Variants in DSC2 observed in about 807,000 individuals in gnomAD.
The protein encoded by DSC2 is desmocollin-2.
DSC2 carries 51 observed loss-of-function variants against 87.6 expected under a neutral mutation model. That is an observed-to-expected ratio of 0.58 (90% confidence interval 0.46 to 0.74). The LOEUF (loss-of-function observed/expected upper bound fraction) is 0.74. DSC2 is among the 30% of genes least tolerant of loss of function. DSC2 has a pLI of 0.00. For synonymous variants in DSC2, 383 were observed against 393.2 expected, an observed-to-expected ratio of 0.97 and a Z score of 0.31; for missense variants, 1,066 against 1,089.5, an observed-to-expected ratio of 0.98 and a Z score of 0.30.
intron 7 of DSC2, among the ~76,000 whole-genome samples, chr18:31,084,805 T>C (rs536879644): frequency 1.3e-5 from 2 of 152,054 alleles, no homozygotes; most frequent in African/African-American, 2.4e-5. Context: ...CAATGATAAA[T>C]TGGAGATTTC....
At chr18:31,082,084 T>C (rs1422695560) in intron 9 of DSC2, among the ~76,000 whole-genome samples, 154 bp downstream of exon 9, 1 of 152,184 alleles carries the variant, frequency 6.6e-6, no homozygotes, top group African/African-American at 2.4e-5. Context: ...AAAACTAATA[T>C]ATTCTTTCCA....
chr18:31,065,146 TA>T lies in DSC2; in HGVS notation c.*2868del, dbSNP rs1390584756. On this transcript the variant is annotated 3_prime_UTR_variant, in exon 16 of 16. Coordinates refer to ENST00000280904, the MANE Select transcript of DSC2 (RefSeq NM_024422.6). Reference sequence around the variant, plus strand: ...CTTCTGGCTAGGGATGAATAAGATGTAACTTGCTGAATACCACAAATGAGAG... The same window carrying T: ...CTTCTGGCTAGGGATGAATAAGATGTACTTGCTGAATACCACAAATGAGAG... 3 of 152,148 alleles carry T rather than the reference TA, an allele frequency of 2.0e-5. No individual in the cohort carries two copies. The highest frequency in any genetic ancestry group is 2.9e-5 in the Non-Finnish European group (2 of 68,034). The allele number at this position is 152,148 out of a possible 1,614,324, so 9.4% of individuals were successfully genotyped here. A position where few individuals can be genotyped will look rare whatever the true frequency, so the allele number is the denominator to read the frequency against.
At chr18:31,080,859 A>G (rs566381707) in intron 9 of DSC2, among the ~76,000 whole-genome samples, 6 of 152,314 alleles carry the variant, frequency 3.9e-5, no homozygotes, top group Non-Finnish European at 8.8e-5. Context: ...ATGTGAGAAC[A>G]GACTAATACA....
At chr18:31,087,183 C>T (rs1598586853) in intron 6 of DSC2, among the ~76,000 whole-genome samples, 1 of 152,158 alleles carries the variant, frequency 6.6e-6, no homozygotes, top group South Asian at 2.1e-4. Context: ...ACCATTTTCA[C>T]AGGGCTGAGA....
At chr18:31,077,333 G>A (rs1215420380) in intron 11 of DSC2, among the ~76,000 whole-genome samples, 1 of 152,098 alleles carries the variant, frequency 6.6e-6, no homozygotes, top group Non-Finnish European at 1.5e-5. Context: ...CTGAAAATTG[G>A]GACTGCTGGT....
At chr18:31,074,530 C>T (rs1469218760) in intron 12 of DSC2, among the ~76,000 whole-genome samples, 153 bp downstream of exon 12, 1 of 150,780 alleles carries the variant, frequency 6.6e-6, no homozygotes, top group Admixed American at 6.6e-5. Context: ...ATTAGAGACA[C>T]ACTAGAGAGA....
At chr18:31,072,854 T>C (rs894982902) in intron 12 of DSC2, among the ~76,000 whole-genome samples, 1 of 152,210 alleles carries the variant, frequency 6.6e-6, no homozygotes, top group African/African-American at 2.4e-5. Context: ...AGAGAAGCCA[T>C]GGTTAACCTG....
intron 12 of DSC2, among the ~76,000 whole-genome samples, 189 bp downstream of exon 12, chr18:31,074,494 C>G (rs1986942590): frequency 1.3e-5 from 2 of 149,434 alleles, no homozygotes; most frequent in Admixed American, 1.3e-4. Flanking sequence ...GAATTCACAA[C>G]ACACCTAAGG....
At chr18:31,069,714 CA>C (rs199681007) in intron 14 of DSC2, among the ~76,000 whole-genome samples, 11,914 of 85,192 alleles carry the variant, frequency 0.14, 661 homozygotes, top group African/African-American at 0.27. Context: ...GATCTTGTCT[CA>C]AAAAAAAAAA....
chr18:31,082,964 CATCA>C lies in DSC2; in HGVS notation c.1035_1038del (p.Ile345MetfsTer3). 1.2e-6 allele frequency: 2 copies of C among 1,613,378 alleles called. No individual in the cohort carries two copies. The highest frequency in any genetic ancestry group is 1.7e-6 in the Non-Finnish European group (2 of 1,179,762). On this transcript the variant is annotated frameshift_variant, in exon 8 of 16. Transcript: ENST00000280904. LOFTEE classifies it high-confidence loss of function. ...AATGTTGGCAAGTGGTCATTTACAT[CATCA>C]ATGTTAATGATACAAGTTGAAGTTG... is the stretch of plus-strand genomic sequence containing the variant.
intron 13 of DSC2, 144 bp from the exon 14 acceptor site, chr18:31,070,994 A>G: frequency 2.0e-6 from 2 of 994,242 alleles, no homozygotes; most frequent in Non-Finnish European, 1.5e-6. Context: ...GTGTCAAAGC[A>G]GTATACAATA....
intron 11 of DSC2, among the ~76,000 whole-genome samples, chr18:31,077,643 C>G (rs1282833144): frequency 6.6e-6 from 1 of 152,152 alleles, no homozygotes; most frequent in Non-Finnish European, 1.5e-5. Context: ...GTTATACATA[C>G]TGTTTTATTC....
At chr18:31,099,670 AT>A (rs1371171613) in intron 1 of DSC2, among the ~76,000 whole-genome samples, 1 of 152,186 alleles carries the variant, frequency 6.6e-6, no homozygotes, top group African/African-American at 2.4e-5. Context: ...AGAATGAGTC[AT>A]TTGGATTTAG....
rs1986628343 is a variant in DSC2 at position 31,066,639 on chromosome 18, G to T, written c.*1376C>A. 6.6e-6 allele frequency: 1 copy of T among 151,914 alleles called. No individual in the cohort carries two copies. 9.4% of individuals were successfully genotyped at this position (151,914 alleles called of 1,614,324 possible). On this transcript the variant is annotated 3_prime_UTR_variant, in exon 16 of 16. Coordinates refer to ENST00000280904, the MANE Select transcript of DSC2 (RefSeq NM_024422.6). ...GTTTAGTATAAATAGAAAATTCATTGACTAAAATAAGTCATGAAACATGGA... is the reference window on the plus strand; with the variant it reads ...GTTTAGTATAAATAGAAAATTCATTTACTAAAATAAGTCATGAAACATGGA...
At chr18:31,097,424 A>C (rs1281955117) in intron 1 of DSC2, among the ~76,000 whole-genome samples, 1 of 151,818 alleles carries the variant, frequency 6.6e-6, no homozygotes, top group Non-Finnish European at 1.5e-5. Context: ...GTACACTTGC[A>C]AAAAAAGAAA....
At chr18:31,091,210 CA>C in intron 3 of DSC2, 63 bp from the exon 4 acceptor site, 2 of 1,595,090 alleles carry the variant, frequency 1.3e-6, no homozygotes, top group Non-Finnish European at 1.7e-6. Flanking sequence ...AAACATTAAA[CA>C]ATGACACATC....
chr18:31,082,194 C>G (rs1184840288), intron 9 of DSC2, 44 bp downstream of exon 9: 3 of 1,555,618 alleles, frequency 1.9e-6, no homozygotes, highest in Non-Finnish European at 2.6e-6. Context: ...GCATGCTATT[C>G]TATGATATTA....
At position 31,065,639 on chromosome 18, in the gene DSC2, A is replaced by G. The variant is rs1986596071; in HGVS notation, c.*2376T>C. ...CAAGTGACTGCTAATGTCTAGCTGG[A>G]CAGCTAGGGAAGAAGCCAAGGAAGG... is the stretch of plus-strand genomic sequence containing the variant. On this transcript the variant is annotated 3_prime_UTR_variant, in exon 16 of 16. Transcript: ENST00000280904. 6.6e-6 allele frequency: 1 copy of G among 152,226 alleles called. No individual in the cohort carries two copies. The highest frequency in any genetic ancestry group is 2.4e-5 in the African/African-American group (1 of 41,466). 9.4% of individuals were successfully genotyped at this position (152,226 alleles called of 1,614,324 possible).
rs1270895522 is a variant in DSC2 at position 31,064,269 on chromosome 18, T to A, written c.*3746A>T. ...TACAGGCATTAGCCCACTCCTTACA[T>A]CCACCGTGTCTTGACTTGCATTCAA... On this transcript the variant is annotated 3_prime_UTR_variant, in exon 16 of 16. Coordinates refer to ENST00000280904, the MANE Select transcript of DSC2 (RefSeq NM_024422.6). 1 of 152,198 alleles carries A rather than the reference T, an allele frequency of 6.6e-6. No homozygotes were observed. Among genetic ancestry groups the A allele is most frequent in the Non-Finnish European group, 1.5e-5 (1 of 68,032 alleles). The allele number at this position is 152,198 out of a possible 1,614,324, so 9.4% of individuals were successfully genotyped here. A position where few individuals can be genotyped will look rare whatever the true frequency, so the allele number is the denominator to read the frequency against.
Sources: allele counts gnomAD v4.1 joint callset (sites outside exome capture counted in the v4.1 genomes callset), GRCh38; gene constraint gnomAD v4.1.1; transcripts MANE v1.5; gene names NCBI Gene and HGNC (gene_info 2026-07-23, HGNC 2026-07-21).